Variants in NDUFAF6 observed in about 807,000 individuals in gnomAD.
NDUFAF6 encodes NADH:ubiquinone oxidoreductase complex assembly factor 6.
Under a neutral mutation model 40.8 loss-of-function variants are expected in NDUFAF6, and 45 were observed. That is an observed-to-expected ratio of 1.10 (90% CI 0.87 to 1.42). NDUFAF6 has a LOEUF of 1.42. NDUFAF6 is among the 40% of genes most tolerant of loss of function. NDUFAF6 has a pLI of 0.00. For missense variants in NDUFAF6, 435 were observed against 418.5 expected (o/e 1.04, Z -0.34); for synonymous variants, 185 against 155.9 (o/e 1.19, Z -1.39).
At chr8:95,045,763 CT>C in intron 5 of NDUFAF6, 116 bp downstream of exon 5, 1 of 740,150 alleles carries the variant, frequency 1.4e-6, no homozygotes, top group South Asian at 1.6e-5. Flanking sequence ...TTTATACTAT[CT>C]GTAAAGGAAC....
intron 9 of NDUFAF6, among the ~76,000 whole-genome samples, chr8:95,064,071 T>C (rs1376822348): frequency 2.0e-5 from 3 of 146,634 alleles, no homozygotes; most frequent in Non-Finnish European, 4.5e-5. Context: ...TTTGGATTTT[T>C]ACTAGAGACA....
chr8:95,062,084 G>T (rs961310590), downstream of NDUFAF6, among the ~76,000 whole-genome samples: 83 of 151,866 alleles, frequency 5.5e-4, no homozygotes, highest in South Asian at 2.1e-4. Context: ...TTGAGCACAG[G>T]AGGTGGAGGT....
At chr8:94,981,029 C>T (rs1438560174) in intron 2 of NDUFAF6, 1 of 454,994 alleles carries the variant, frequency 2.2e-6, no homozygotes, top group South Asian at 1.6e-5. Context: ...GGCTCTTTCC[C>T]CCACCCCAGT....
Position 95,058,703 on chromosome 8 carries a change from A to G in NDUFAF6, c.*766A>G. On this transcript the variant is annotated 3_prime_UTR_variant, in exon 9 of 9. Coordinates refer to ENST00000396124, the MANE Select transcript of NDUFAF6 (RefSeq NM_152416.4). The stretch of plus-strand genomic sequence containing the variant: ...ATTGAACATCCATTAAAGGGTTGCT[A>G]CACTTTATACTGTACATTCTGCGCT... 1 of 1,010,944 alleles carries G rather than the reference A, an allele frequency of 9.9e-7. No homozygotes were observed. Among genetic ancestry groups the G allele is most frequent in the Non-Finnish European group, 1.2e-6 (1 of 847,286 alleles). The allele number at this position is 1,010,944 out of a possible 1,614,324, so 62.6% of individuals were successfully genotyped here.
chr8:94,976,672 T>TA (rs59800856), intron 1 of NDUFAF6, among the ~76,000 whole-genome samples: 13 of 148,486 alleles, frequency 8.8e-5, no homozygotes, highest in African/African-American at 2.0e-4. Flanking sequence ...AGACTTCATC[T>TA]AAAAAAAAAA....
chr8:94,933,250 C>A (rs76759623), intron 1 of NDUFAF6, among the ~76,000 whole-genome samples: 1 of 152,038 alleles, frequency 6.6e-6, no homozygotes, highest in Non-Finnish European at 1.5e-5. Flanking sequence ...TTCCTTTGAC[C>A]CTTTATATAT....
exon 10 of NDUFAF6, chr8:95,075,737 A>T (rs138898332): frequency 9.4e-6 from 12 of 1,279,824 alleles, no homozygotes; most frequent in Non-Finnish European, 1.1e-5. Context: ...GGTTCTAGGC[A>T]TGCGCACTTC....
At chr8:95,065,165 C>G (rs1832671737) in intron 9 of NDUFAF6, among the ~76,000 whole-genome samples, 1 of 152,098 alleles carries the variant, frequency 6.6e-6, no homozygotes, top group African/African-American at 2.4e-5. Context: ...TTAATTGAAC[C>G]CAAGGAAGGA....
chr8:94,990,313 G>A (rs192255102), intron 2 of NDUFAF6, among the ~76,000 whole-genome samples: 177 of 152,266 alleles, frequency 1.2e-3, no homozygotes, highest in Middle Eastern at 3.4e-3. Context: ...CACCAGCCTT[G>A]GGGAGAAGCA....
intron 3 of NDUFAF6, among the ~76,000 whole-genome samples, chr8:95,038,238 C>G (rs776531608): frequency 6.6e-6 from 1 of 152,078 alleles, no homozygotes; most frequent in African/African-American, 2.4e-5. Flanking sequence ...TTCAGTTTCT[C>G]GCTCTTCTCC....
intron 4 of NDUFAF6, among the ~76,000 whole-genome samples, chr8:95,043,934 T>C (rs538704728): frequency 1.3e-5 from 2 of 152,342 alleles, no homozygotes; most frequent in South Asian, 2.1e-4. Context: ...CCAGAACTTG[T>C]ATATGAATGT....
At chr8:95,017,357 AC>A (rs887738806) in intron 2 of NDUFAF6, among the ~76,000 whole-genome samples, 5 of 152,064 alleles carry the variant, frequency 3.3e-5, no homozygotes, top group Non-Finnish European at 5.9e-5. Context: ...CAGGAAGGGA[AC>A]AAGGGGATTA....
intron 2 of NDUFAF6, chr8:95,102,833 T>C (rs1809693447): frequency 1.3e-5 from 2 of 152,062 alleles, no homozygotes; most frequent in Non-Finnish European, 2.9e-5. Context: ...ACTGAAAAAG[T>C]TTAATAACAT....
At chr8:95,094,749 TTC>T (rs138982612) in intron 2 of NDUFAF6, among the ~76,000 whole-genome samples, 65,129 of 121,154 alleles carry the variant, frequency 0.54, 17,836 homozygotes, top group East Asian at 0.81. Context: ...CTTCTTCTTC[TTC>T]TTTTTTTTTT....
chr8:94,931,201 C>G (rs576190249), intron 1 of NDUFAF6, among the ~76,000 whole-genome samples: 1 of 152,302 alleles, frequency 6.6e-6, no homozygotes, highest in South Asian at 2.1e-4. Flanking sequence ...CATTTCCTGT[C>G]TATAAGTAAA....
intron 1 of NDUFAF6, chr8:94,932,075 G>T (rs776515512): frequency 8.1e-6 from 13 of 1,609,978 alleles, no homozygotes; most frequent in Middle Eastern, 1.6e-4. Flanking sequence ...CTTACTCTGT[G>T]CCCGTGAGTC....
At chr8:94,924,906 C>T (rs1456984484) in intron 1 of NDUFAF6, among the ~76,000 whole-genome samples, 2 of 152,128 alleles carry the variant, frequency 1.3e-5, no homozygotes, top group African/African-American at 2.4e-5. Flanking sequence ...CCATGCCTGG[C>T]TCATTTTTGT....
At chr8:94,995,319 A>G (rs1252161726) in intron 2 of NDUFAF6, among the ~76,000 whole-genome samples, 1 of 152,240 alleles carries the variant, frequency 6.6e-6, no homozygotes, top group Non-Finnish European at 1.5e-5. Flanking sequence ...GGGAGGAAGG[A>G]GGGGCAATTA....
intron 2 of NDUFAF6, among the ~76,000 whole-genome samples, chr8:95,009,320 C>T (rs770325948): frequency 2.0e-5 from 3 of 151,972 alleles, no homozygotes; most frequent in Non-Finnish European, 4.4e-5. Context: ...TACCTCCATA[C>T]GTAAGCAAAT....
Sources: gnomAD v4.1 joint callset for allele counts (sites outside exome capture counted in the v4.1 genomes callset) on GRCh38, gnomAD v4.1.1 for gene constraint, MANE v1.5 for transcripts, NCBI Gene and HGNC (gene_info 2026-07-23, HGNC 2026-07-21) for gene names.